Variants in TMEM61 observed in about 807,000 individuals in gnomAD.
TMEM61 encodes transmembrane protein 61.
TMEM61 carries 13 observed loss-of-function variants against 12.0 expected under a neutral mutation model. That is an observed-to-expected ratio of 1.08 (90% CI 0.70 to 1.72). The LOEUF (loss-of-function observed/expected upper bound fraction) is 1.72, where lower values mean the gene tolerates loss of function less well. TMEM61 is among the 40% of genes most tolerant of loss of function. The pLI, the probability that TMEM61 is intolerant of heterozygous loss-of-function variation, is 0.00. For missense variants in TMEM61, 249 were observed against 276.9 expected, an observed-to-expected ratio of 0.90 and a Z score of 0.71; for synonymous variants, 109 against 121.4, an observed-to-expected ratio of 0.90 and a Z score of 0.67.
rs759437384 is a variant in TMEM61, at chr1:54,981,058, G to A, written c.-8G>A. On this transcript the variant is annotated 5_prime_UTR_variant, in exon 1 of 3. Coordinates refer to ENST00000371268, the MANE Select transcript of TMEM61 (RefSeq NM_182532.3). ...CGCGCCTGGACAGCGCCTGCTGCCC[G>A]CCTCCCGATGGCCCTGCCCCAGGTG... The A allele has an allele frequency of 3.4e-5, 54 of 1,580,774 alleles. No homozygotes were observed. Among genetic ancestry groups the A allele is most frequent in the Non-Finnish European group, 4.5e-5 (52 of 1,162,702 alleles).
At chr1:54,988,250 G>A (rs1200618162) in intron 2 of TMEM61, among the ~76,000 whole-genome samples, 1 of 152,226 alleles carries the variant, frequency 6.6e-6, no homozygotes, top group Non-Finnish European at 1.5e-5. Flanking sequence ...ACCCAGCCAG[G>A]CGTGAGTGCA....
chr1:54,986,242 C>T lies in TMEM61; in HGVS notation c.161C>T (p.Thr54Met), dbSNP rs138273726. The stretch of plus-strand genomic sequence containing the variant: ...CAGCCTGGCCAGCTGGCCCCACCCA[C>T]GGAGTATCCGGTGCCTGAGGGCCCC... ...TAQPGQLAPP[T>M]EYPVPEGPSP... The change falls in exon 2 of 3, where the codon ACG becomes ATG. Residue 54 changes from threonine (T) to methionine (M), a missense_variant. Transcript: ENST00000371268. 3.0e-3 allele frequency: 4,866 copies of T among 1,613,816 alleles called. 14 individuals are homozygous for T. Among genetic ancestry groups the T allele is most frequent in the Middle Eastern group, 7.3e-3 (44 of 6,060 alleles).
chr1:54,983,109 G>GTTTTTTTTTTTTTT lies in TMEM61; in HGVS notation c.15+2041_15+2042insTTTTTTTTTTTTTT, dbSNP rs780127208. Among the ~76,000 whole-genome samples the GTTTTTTTTTTTTTT allele has an allele frequency of 7.9e-4, 86 of 109,532 alleles. 14 individuals carry two copies. Among genetic ancestry groups the GTTTTTTTTTTTTTT allele is most frequent in the Admixed American group, 1.1e-3 (9 of 8,032 alleles). 71.9% of individuals were successfully genotyped at this position (109,532 alleles called of 152,430 possible). On this transcript the variant is annotated intron_variant, in intron 1 of 2. Transcript: ENST00000371268. ...TTAGTGGTGATTTGTGTTTTGCTTT[G>GTTTTTTTTTTTTTT]TTTTTTTTTTTTGTTTTTTTTTGAG...
At chr1:54,991,390 T>C (rs1452681194) in intron 2 of TMEM61, among the ~76,000 whole-genome samples, 3 of 152,222 alleles carry the variant, frequency 2.0e-5, no homozygotes, top group African/African-American at 7.2e-5. Flanking sequence ...GGCAGAGGAA[T>C]TGAGGTCTCC....
rs1203228550 is a variant in TMEM61, at chr1:54,992,000, A to G, written c.530A>G (p.Tyr177Cys). The change falls in exon 3 of 3, where the codon TAT becomes TGT. Residue 177 changes from tyrosine (Y) to cysteine (C), a missense_variant. Physicochemically the swap from Tyr to Cys is radical, Grantham distance 194. Transcript: ENST00000371268. ...CAGCCCGCCTGGCCTCCACCCAGCT[A>G]TGAGAGCATCAGCCTTGCTCTTGAT... ...STQPAWPPPSYESISLALDAV... is the reference protein window; with the variant it reads ...STQPAWPPPSCESISLALDAV... The G allele has an allele frequency of 1.2e-6, 2 of 1,614,004 alleles. No homozygotes were observed. The highest frequency in any genetic ancestry group is 2.2e-5 in the East Asian group (1 of 44,888).
intron 1 of TMEM61, among the ~76,000 whole-genome samples, chr1:54,985,746 G>A (rs72907630): frequency 0.049 from 6,592 of 134,882 alleles, 456 homozygotes; most frequent in African/African-American, 0.15. Context: ...TCCAACATGC[G>A]TTACTTTTCT....
Position 54,981,162 on chromosome 1 carries a change from C to A in TMEM61, c.15+82C>A, listed in dbSNP as rs930533963. 43 of 1,478,632 alleles carry A rather than the reference C, an allele frequency of 2.9e-5. 1 individual carries two copies. In the African/African-American group the frequency reaches 5.8e-4, roughly 20 times the overall value. 91.6% of individuals were successfully genotyped at this position (1,478,632 alleles called of 1,614,324 possible). On this transcript the variant is annotated intron_variant, in intron 1 of 2. Coordinates refer to ENST00000371268, the MANE Select transcript of TMEM61 (RefSeq NM_182532.3). ...ACCTTGCCCCGACCCCTTCCCCTAA[C>A]CTCGGTCACCGTGGCTTGGTGGGCA...
In TMEM61 at chr1:54,986,349, A is replaced by C; in HGVS notation, c.268A>C (p.Lys90Gln). The change falls in exon 2 of 3, where the codon AAG (lysine) becomes CAG (glutamine). Residue 90 changes from lysine to glutamine, a missense_variant. Coordinates refer to ENST00000371268, the MANE Select transcript of TMEM61 (RefSeq NM_182532.3). ...GCTCATTGGCCTGCTGTGGTCCGTC[A>C]AGGCCAGCATCCCAGGGCCACCTCG... ...LLLIGLLWSV[K>Q]ASIPGPPRWD... is the part of the protein sequence containing the mutation. 2.5e-6 allele frequency: 4 copies of C among 1,613,992 alleles called. No homozygotes were observed. The highest frequency in any genetic ancestry group is 2.2e-5 in the East Asian group (1 of 44,870).
intron 1 of TMEM61, 43 bp downstream of exon 1, chr1:54,981,123 C>A: frequency 1.3e-6 from 2 of 1,569,336 alleles, no homozygotes; most frequent in Non-Finnish European, 1.7e-6. Flanking sequence ...GGCACTCAGC[C>A]CCTTCTGTCG....
At chr1:54,991,752 G>C (rs1220662172) in intron 2 of TMEM61, 84 bp from the exon 3 acceptor site, 27 of 1,486,818 alleles carry the variant, frequency 1.8e-5, no homozygotes, top group Non-Finnish European at 2.1e-5. Flanking sequence ...AGACTTCTCT[G>C]CCCCCAGCCT....
chr1:54,985,996 C>A, intron 1 of TMEM61, 101 bp from the exon 2 acceptor site: 1 of 1,077,260 alleles, frequency 9.3e-7, no homozygotes, highest in Non-Finnish European at 1.3e-6. Context: ...TAAGTGACTT[C>A]TCCAAGGTTG....
chr1:54,989,703 G>A (rs1644282937), intron 2 of TMEM61, among the ~76,000 whole-genome samples: 2 of 152,242 alleles, frequency 1.3e-5, no homozygotes, highest in African/African-American at 4.8e-5. Flanking sequence ...AGAAGGTGGT[G>A]TGAGGGCCGC....
intron 2 of TMEM61, among the ~76,000 whole-genome samples, chr1:54,989,455 C>T (rs913768530): frequency 6.6e-6 from 1 of 152,216 alleles, no homozygotes; most frequent in Non-Finnish European, 1.5e-5. Context: ...AGGCCCAGGT[C>T]TCCTGCCCCA....
At chr1:54,991,031 C>T (rs1374469023) in intron 2 of TMEM61, among the ~76,000 whole-genome samples, 4 of 152,228 alleles carry the variant, frequency 2.6e-5, no homozygotes, top group Non-Finnish European at 4.4e-5. Context: ...ATTCCCACCC[C>T]ACTCCCCACT....
Position 54,983,109 on chromosome 1 carries a change from G to GTTTTTTTTTTTTTTTTT in TMEM61, c.15+2041_15+2042insTTTTTTTTTTTTTTTTT, listed in dbSNP as rs780127208. Reference sequence around the variant, plus strand: ...TTAGTGGTGATTTGTGTTTTGCTTTGTTTTTTTTTTTTGTTTTTTTTTGAG... The same window carrying GTTTTTTTTTTTTTTTTT: ...TTAGTGGTGATTTGTGTTTTGCTTTGTTTTTTTTTTTTTTTTTTTTTTTTTTTTTGTTTTTTTTTGAG... On this transcript the variant is annotated intron_variant, in intron 1 of 2. Coordinates refer to ENST00000371268, the MANE Select transcript of TMEM61 (RefSeq NM_182532.3). Among the ~76,000 whole-genome samples, 22 of 109,540 alleles carry GTTTTTTTTTTTTTTTTT rather than the reference G, an allele frequency of 2.0e-4. 2 individuals carry two copies. Among genetic ancestry groups the GTTTTTTTTTTTTTTTTT allele is most frequent in the South Asian group, 6.1e-4 (2 of 3,262 alleles). The allele number at this position is 109,540 out of a possible 152,430, so 71.9% of individuals were successfully genotyped here. A position where few individuals can be genotyped will look rare whatever the true frequency, so the allele number is the denominator to read the frequency against.
intron 1 of TMEM61, among the ~76,000 whole-genome samples, chr1:54,985,796 TTAG>T (rs1557474963): frequency 6.6e-6 from 1 of 152,126 alleles, no homozygotes; most frequent in Non-Finnish European, 1.5e-5. Context: ...GTGGGAAGTT[TTAG>T]ACCCACCAGG....
At chr1:54,988,330 G>C (rs1423405752) in intron 2 of TMEM61, among the ~76,000 whole-genome samples, 1 of 152,262 alleles carries the variant, frequency 6.6e-6, no homozygotes, top group Non-Finnish European at 1.5e-5. Context: ...GCACCTGGCA[G>C]GTGGGGCCCC....
chr1:54,981,136 G>T (rs753848787), intron 1 of TMEM61, 56 bp downstream of exon 1: 3 of 1,549,318 alleles, frequency 1.9e-6, no homozygotes, highest in African/African-American at 2.7e-5. Flanking sequence ...TTCTGTCGTC[G>T]ACCTTGCCCC....
intron 2 of TMEM61, among the ~76,000 whole-genome samples, chr1:54,987,451 A>T (rs1644268407): frequency 6.6e-6 from 1 of 151,832 alleles, no homozygotes. Flanking sequence ...ATCCTCTTCC[A>T]TGAAATTGTA....
Sources: gnomAD v4.1 joint callset for allele counts (sites outside exome capture counted in the v4.1 genomes callset) on GRCh38, gnomAD v4.1.1 for gene constraint, MANE v1.5 for transcripts, NCBI Gene and HGNC (gene_info 2026-07-23, HGNC 2026-07-21) for gene names.